RTF1: variants seen among roughly 807,000 people sequenced by gnomAD.
The protein encoded by RTF1 is RNA polymerase-associated protein RTF1 homolog.
In RTF1, 10 loss-of-function variants were observed where a neutral mutation model predicts 95.7. The observed-to-expected ratio is 0.10, with a 90% CI of 0.06 to 0.18. The LOEUF is 0.18. RTF1 is among the 10% of genes least tolerant of loss of function. The pLI is 1.00. For missense variants in RTF1, 458 were observed against 875.6 expected, an observed-to-expected ratio of 0.52 and a Z score of 6.02; for synonymous variants, 305 against 311.8, an observed-to-expected ratio of 0.98 and a Z score of 0.23.
At position 41,446,460 on chromosome 15, in the gene RTF1, G is replaced by A. The variant is rs566276124; in HGVS notation, c.310-6441G>A. Among the ~76,000 whole-genome samples the A allele has an allele frequency of 2.6e-5, 4 of 152,230 alleles. No homozygotes were observed. In the East Asian group the frequency reaches 5.8e-4, roughly 22 times the overall value. ...GCACGCCTGTAGTCCCAGCTACTCA[G>A]GAGGCTGAGGCAGGAGAATCGCTTG... On this transcript the variant is annotated intron_variant, in intron 2 of 17. Transcript: ENST00000389629.
Position 41,482,670 on chromosome 15 carries a change from G to A in RTF1, c.*1983G>A, listed in dbSNP as rs957404819. 6 of 152,548 alleles carry A rather than the reference G, an allele frequency of 3.9e-5. No individual in the cohort carries two copies. Among genetic ancestry groups the A allele is most frequent in the Admixed American group, 1.3e-4 (2 of 15,274 alleles). The allele number at this position is 152,548 out of a possible 1,614,324, so 9.4% of individuals were successfully genotyped here. On this transcript the variant is annotated 3_prime_UTR_variant, in exon 18 of 18. Coordinates refer to ENST00000389629, the MANE Select transcript of RTF1 (RefSeq NM_015138.5). ...TGGGCAAAGGAGTGGTGATGGACTC[G>A]TTAAAATCATATATACTTGAATAGT...
In RTF1 at chr15:41,462,890, G is replaced by T. The variant is rs148963729; in HGVS notation, c.663-1881G>T. Among the ~76,000 whole-genome samples the T allele has an allele frequency of 2.6e-3, 390 of 152,162 alleles. 1 individual carries two copies. Among genetic ancestry groups the T allele is most frequent in the African/African-American group, 8.6e-3 (358 of 41,506 alleles). ...CCCACCTCAGCCTCCCAAGTAGCTG[G>T]GACTATAGGCGTGTGCCACCACCTG... On this transcript the variant is annotated intron_variant, in intron 4 of 17. Coordinates refer to ENST00000389629, the MANE Select transcript of RTF1 (RefSeq NM_015138.5).
At chr15:41,469,261 T>C (rs2050897164) in intron 6 of RTF1, among the ~76,000 whole-genome samples, 1 of 151,914 alleles carries the variant, frequency 6.6e-6, no homozygotes, top group East Asian at 1.9e-4. Flanking sequence ...AGCCTAAAAT[T>C]TTTTTATATT....
chr15:41,447,753 T>G (rs1438424555), intron 2 of RTF1, among the ~76,000 whole-genome samples: 2 of 152,194 alleles, frequency 1.3e-5, no homozygotes, highest in Non-Finnish European at 2.9e-5. Flanking sequence ...CTGGCCTCTG[T>G]ACTTGGTTCA....
At chr15:41,420,211 AT>A (rs1340219480) in intron 1 of RTF1, among the ~76,000 whole-genome samples, 3 of 152,122 alleles carry the variant, frequency 2.0e-5, no homozygotes, top group African/African-American at 7.2e-5. Context: ...TTAACAACAA[AT>A]TTAACTTCCT....
intron 14 of RTF1, 107 bp from the exon 15 acceptor site, chr15:41,478,440 GC>G (rs2050953390): frequency 3.8e-6 from 3 of 798,936 alleles, no homozygotes; most frequent in Non-Finnish European, 4.1e-6. Flanking sequence ...AAGGATAATA[GC>G]TTTTTTTTTT....
intron 1 of RTF1, among the ~76,000 whole-genome samples, chr15:41,422,907 T>A (rs906110504): frequency 1.3e-5 from 2 of 152,094 alleles, no homozygotes; most frequent in African/African-American, 4.8e-5. Context: ...CCGAGTAGCT[T>A]GGATTACAGG....
chr15:41,475,899 A>G (rs925194173), intron 11 of RTF1, 80 bp downstream of exon 11: 15 of 695,366 alleles, frequency 2.2e-5, no homozygotes, highest in African/African-American at 1.8e-4. Flanking sequence ...TTATTTCCCT[A>G]TATCTTGACA....
At chr15:41,471,431 C>T (rs1032887429) in intron 8 of RTF1, 82 bp downstream of exon 8, 4 of 1,374,672 alleles carry the variant, frequency 2.9e-6, no homozygotes, top group Non-Finnish European at 4.0e-6. Context: ...CTGAAAAAAT[C>T]GATCACTCTT....
chr15:41,471,631 T>G (rs2050912113), intron 8 of RTF1, among the ~76,000 whole-genome samples: 1 of 152,220 alleles, frequency 6.6e-6, no homozygotes, highest in Non-Finnish European at 1.5e-5. Context: ...CTATGAAGTG[T>G]TCATTGGGAG....
chr15:41,470,208 C>T, intron 6 of RTF1, 49 bp from the exon 7 acceptor site: 1 of 1,588,568 alleles, frequency 6.3e-7, no homozygotes, highest in East Asian at 2.2e-5. Context: ...AGGATGAATT[C>T]ATTTTCTTGT....
chr15:41,454,471 T>C (rs1338616230), intron 3 of RTF1, among the ~76,000 whole-genome samples: 8 of 152,148 alleles, frequency 5.3e-5, no homozygotes, highest in Non-Finnish European at 5.9e-5. Flanking sequence ...TTTTCAATCA[T>C]AGTGATAAAG....
chr15:41,458,721 C>A (rs1234740754), intron 4 of RTF1, among the ~76,000 whole-genome samples: 1 of 151,762 alleles, frequency 6.6e-6, no homozygotes, highest in Admixed American at 6.6e-5. Context: ...TGCACTCTAG[C>A]CTTGGTGAGA....
intron 2 of RTF1, among the ~76,000 whole-genome samples, chr15:41,441,709 AG>A (rs2050736865): frequency 6.6e-6 from 1 of 152,202 alleles, no homozygotes. Flanking sequence ...AAAAGCTGAC[AG>A]CAAGCTCCAC....
chr15:41,460,120 T>TG (rs2050839954), intron 4 of RTF1, among the ~76,000 whole-genome samples: 1 of 69,190 alleles, frequency 1.4e-5, no homozygotes, highest in South Asian at 4.7e-4. Flanking sequence ...TTTTTGTTTT[T>TG]GTTTTTTTTT....
At chr15:41,444,861 T>C (rs11631770) in intron 2 of RTF1, among the ~76,000 whole-genome samples, 53,622 of 152,062 alleles carry the variant, frequency 0.35, 9,614 homozygotes, top group African/African-American at 0.41. Context: ...GCTGGAATAC[T>C]GCGCTTTAGT....
intron 1 of RTF1, among the ~76,000 whole-genome samples, chr15:41,422,105 A>G (rs2050605727): frequency 6.6e-6 from 1 of 151,726 alleles, no homozygotes; most frequent in Non-Finnish European, 1.5e-5. Flanking sequence ...CACGATCTCG[A>G]CTCACTGCAC....
chr15:41,453,113 C>A, intron 3 of RTF1, 65 bp downstream of exon 3: 1 of 1,397,896 alleles, frequency 7.2e-7, no homozygotes. Context: ...GGTGCAAAGG[C>A]AGAAGTGGGG....
In RTF1 at chr15:41,442,741, C is replaced by G. The variant is rs2050742025; in HGVS notation, c.309+4310C>G. On this transcript the variant is annotated intron_variant, in intron 2 of 17. Coordinates refer to ENST00000389629, the MANE Select transcript of RTF1 (RefSeq NM_015138.5). Reference sequence around the variant, plus strand: ...TCTCTACTAAAAATGCAAAAATTAGCCAGGCGTAGTAGTGGGCACCTGTAG... The same window carrying G: ...TCTCTACTAAAAATGCAAAAATTAGGCAGGCGTAGTAGTGGGCACCTGTAG... Among the ~76,000 whole-genome samples the G allele has an allele frequency of 2.6e-5, 4 of 151,920 alleles. No homozygotes were observed. The South Asian group carries it at 8.3e-4, about 31-fold the overall frequency.
Sources: allele counts gnomAD v4.1 joint callset (sites outside exome capture counted in the v4.1 genomes callset), GRCh38; gene constraint gnomAD v4.1.1; transcripts MANE v1.5; gene names NCBI Gene and HGNC (gene_info 2026-07-23, HGNC 2026-07-21).